ARID1A: variants seen among roughly 807,000 people sequenced by gnomAD.
ARID1A encodes the protein AT-rich interactive domain-containing protein 1A.
ARID1A carries 20 observed loss-of-function variants against 212.6 expected under a neutral mutation model. That is an observed-to-expected ratio of 0.09 (90% confidence interval 0.07 to 0.14). ARID1A has a LOEUF of 0.14. Ranked by LOEUF, ARID1A falls within the 10% of genes least tolerant of loss-of-function variation. The pLI is 1.00. For missense variants in ARID1A, 2,587 were observed against 3,059.0 expected (o/e 0.85, Z 3.64); for synonymous variants, 1,376 against 1,222.1 (o/e 1.13, Z -2.63).
At chr1:26,727,968 G>A (rs2080634050) in intron 1 of ARID1A, 1 of 152,150 alleles carries the variant, frequency 6.6e-6, no homozygotes, top group South Asian at 2.1e-4. Flanking sequence ...ATTAATTGTT[G>A]TTAAATTCGA....
chr1:26,727,138 T>A (rs1284408457), intron 1 of ARID1A, among the ~76,000 whole-genome samples: 2 of 152,238 alleles, frequency 1.3e-5, no homozygotes, highest in African/African-American at 4.8e-5. Context: ...GACATTTAAA[T>A]ACCAGGCACT....
At chr1:26,739,388 G>A (rs2080766190) in intron 4 of ARID1A, among the ~76,000 whole-genome samples, 1 of 152,148 alleles carries the variant, frequency 6.6e-6, no homozygotes, top group South Asian at 2.1e-4. Context: ...TGATTCAGTA[G>A]GTGTGGGCTG....
In ARID1A at chr1:26,725,781, C is replaced by G. The variant is rs149978910; in HGVS notation, c.1138-3870C>G. Reference sequence around the variant, plus strand: ...GTGAGAGAGGAAAAGGTGACTTGTCCTTAGCCTTTTGTTTTTAAGCAGTGT... The same window carrying G: ...GTGAGAGAGGAAAAGGTGACTTGTCGTTAGCCTTTTGTTTTTAAGCAGTGT... On this transcript the variant is annotated intron_variant, in intron 1 of 19. Transcript: ENST00000324856. 1.1e-4 allele frequency among the ~76,000 whole-genome samples: 16 copies of G among 151,740 alleles called. No homozygotes were observed. The East Asian group carries it at 2.5e-3, about 24-fold the overall frequency.
chr1:26,711,658 G>A (rs781554482), intron 1 of ARID1A, among the ~76,000 whole-genome samples: 2 of 152,154 alleles, frequency 1.3e-5, no homozygotes, highest in African/African-American at 4.8e-5. Context: ...CACAAAACAC[G>A]TCTGCTTGTT....
intron 4 of ARID1A, among the ~76,000 whole-genome samples, chr1:26,756,924 G>A (rs968315553): frequency 2.6e-5 from 4 of 151,868 alleles, no homozygotes; most frequent in South Asian, 2.1e-4. Flanking sequence ...GTATGGTCTC[G>A]ATTTGCTGAC....
chr1:26,696,290 C>G lies in ARID1A; in HGVS notation c.-114C>G, dbSNP rs1339185070. ...GCGCAGCAGCGGAGCCCCGCGAGGC[C>G]CGCCCGGGCGGGTGGGGAGGGCAGC... is the stretch of plus-strand genomic sequence containing the variant. On this transcript the variant is annotated 5_prime_UTR_variant, in exon 1 of 20. Coordinates refer to ENST00000324856, the MANE Select transcript of ARID1A (RefSeq NM_006015.6). 2.1e-5 allele frequency: 25 copies of G among 1,167,572 alleles called. No homozygotes were observed. The South Asian group carries it at 9.4e-4, about 44-fold the overall frequency. The allele number at this position is 1,167,572 out of a possible 1,614,324, so 72.3% of individuals were successfully genotyped here.
intron 4 of ARID1A, among the ~76,000 whole-genome samples, chr1:26,738,865 ACTTTT>A (rs1191256459): frequency 7.2e-6 from 1 of 139,430 alleles, no homozygotes; most frequent in African/African-American, 2.7e-5. Flanking sequence ...AGCTTCTGTA[ACTTTT>A]CTTTTGTTTT....
intron 4 of ARID1A, among the ~76,000 whole-genome samples, chr1:26,735,075 C>T (rs2080716203): frequency 6.6e-6 from 1 of 151,786 alleles, no homozygotes; most frequent in East Asian, 1.9e-4. Context: ...ATATTTAAAC[C>T]TCTCAATTAT....
chr1:26,726,174 G>GT (rs1297710813), intron 1 of ARID1A, among the ~76,000 whole-genome samples: 2,956 of 107,268 alleles, frequency 0.028, 72 homozygotes, highest in East Asian at 0.15. Flanking sequence ...GTTTTTTTTT[G>GT]TTTTTTTTTT....
rs756907497 is a variant in ARID1A at position 26,780,673 on chromosome 1, T to C, written c.6775T>C (p.Leu2259=). ...GTTTACTCTGTACGAATCACGGCTG[T>C]TGGACATCTCGGTATCACCGTTGAT... The part of the protein sequence containing the change: ...SEFTLYESRL[L]DISVSPLMNS... Residue 2259 remains leucine (L), a synonymous_variant, in exon 20 of 20, where the codon TTG becomes CTG. Transcript: ENST00000324856. This position sits in a 1 kb window ranked among gnomAD's most constrained non-coding sequence, Gnocchi z 7.2. 6.2e-7 allele frequency: 1 copy of C among 1,606,264 alleles called. No homozygotes were observed. Among genetic ancestry groups the C allele is most frequent in the Non-Finnish European group, 8.5e-7 (1 of 1,178,970 alleles).
chr1:26,771,070 GA>G lies in ARID1A; in HGVS notation c.3199-45del, dbSNP rs1283100431. On this transcript the variant is annotated intron_variant, in intron 11 of 19. Transcript: ENST00000324856. The surrounding 1 kb of genome is among the most constrained non-coding windows in gnomAD (Gnocchi z 5.4). ...GATGGGGCTTGGGGCTTATGGGCAG[GA>G]AAACCAGGCGGGAGATATACCTCGA... 3.2e-6 allele frequency: 5 copies of G among 1,581,010 alleles called. No homozygotes were observed. The highest frequency in any genetic ancestry group is 3.5e-6 in the Non-Finnish European group (4 of 1,150,464).
chr1:26,776,871 G>C (rs2124130810), intron 19 of ARID1A, among the ~76,000 whole-genome samples: 1 of 152,242 alleles, frequency 6.6e-6, no homozygotes, highest in Admixed American at 6.5e-5. Flanking sequence ...CCTTGTTGAG[G>C]TTCACATAGC....
intron 4 of ARID1A, among the ~76,000 whole-genome samples, chr1:26,742,831 G>A (rs1376119664): frequency 1.3e-5 from 2 of 152,074 alleles, no homozygotes; most frequent in African/African-American, 2.4e-5. Flanking sequence ...TTAGCTGGGC[G>A]TGGTGGCATG....
chr1:26,717,106 G>A (rs962156498), intron 1 of ARID1A, among the ~76,000 whole-genome samples: 6 of 152,204 alleles, frequency 3.9e-5, no homozygotes, highest in Non-Finnish European at 1.5e-5. Flanking sequence ...TGGCTGTACT[G>A]TCAGGATTCT....
At position 26,779,427 on chromosome 1, in the gene ARID1A, C is replaced by G. The variant is rs1258811760; in HGVS notation, c.5529C>G (p.His1843Gln). The G allele has an allele frequency of 1.2e-6, 2 of 1,614,198 alleles. No homozygotes were observed. Among genetic ancestry groups the G allele is most frequent in the Admixed American group, 1.7e-5 (1 of 60,020 alleles). Reference protein sequence around the residue: ...RVQEFDSGLLHWRIGGGDTTE... With the variant: ...RVQEFDSGLLQWRIGGGDTTE... ...AGGAGTTTGACAGTGGCCTGCTGCACTGGCGGATTGGTGGGGGGGACACCA... is the reference window on the plus strand; with the variant it reads ...AGGAGTTTGACAGTGGCCTGCTGCAGTGGCGGATTGGTGGGGGGGACACCA... Residue 1843 changes from histidine (H) to glutamine (Q), a missense_variant, in exon 20 of 20, where the codon CAC becomes CAG. His to Gln is a conservative substitution (Grantham distance 24). This residue lies in a region of ARID1A where 890 missense variants were observed against 1,098.2 expected (regional missense o/e 0.81). Coordinates refer to ENST00000324856, the MANE Select transcript of ARID1A (RefSeq NM_006015.6).
chr1:26,710,033 C>T (rs865866041), intron 1 of ARID1A, among the ~76,000 whole-genome samples: 8 of 149,488 alleles, frequency 5.4e-5, no homozygotes, highest in African/African-American at 1.5e-4. Context: ...GGTTTCACCA[C>T]GTTGGCCAGG....
chr1:26,779,216 TAGAAGAGGA>T lies in ARID1A; in HGVS notation c.5325_5333del (p.Glu1778_Glu1780del), dbSNP rs2081166675. 1 of 1,613,528 alleles carries T rather than the reference TAGAAGAGGA, an allele frequency of 6.2e-7. No individual in the cohort carries two copies. The highest frequency in any genetic ancestry group is 1.3e-5 in the African/African-American group (1 of 74,844). ...GAAGAAGAACTTCTAGGTCCTAAAC[TAGAAGAGGA>T]AGAAGAAGAGGAAGTAGTTGAAAAT... On this transcript the variant is annotated inframe_deletion, in exon 20 of 20. Transcript: ENST00000324856.
At chr1:26,710,073 C>G (rs2080435681) in intron 1 of ARID1A, among the ~76,000 whole-genome samples, 1 of 146,372 alleles carries the variant, frequency 6.8e-6, no homozygotes, top group African/African-American at 2.5e-5. Flanking sequence ...CTCAGGTAAT[C>G]CACCCACCTG....
Position 26,697,292 on chromosome 1 carries a change from C to G in ARID1A, c.889C>G (p.Gln297Glu). 1 of 1,359,008 alleles carries G rather than the reference C, an allele frequency of 7.4e-7. No homozygotes were observed. Among genetic ancestry groups the G allele is most frequent in the Non-Finnish European group, 9.4e-7 (1 of 1,062,168 alleles). The allele number at this position is 1,359,008 out of a possible 1,614,324, so 84.2% of individuals were successfully genotyped here. A position where few individuals can be genotyped will look rare whatever the true frequency, so the allele number is the denominator to read the frequency against. The change falls in exon 1 of 20, where the codon CAA becomes GAA. Residue 297 changes from glutamine (Q) to glutamate (E), a missense_variant. By Grantham distance (29) the Gln-to-Glu change is conservative (BLOSUM62 2). Transcript: ENST00000324856. The stretch of plus-strand genomic sequence containing the variant: ...GCCCACCGCCACCCCCACCCTCAAC[C>G]AACTGCTCACGTCGCCCAGCTCGGC... Reference protein sequence around the residue: ...PQPTATPTLNQLLTSPSSARG... With the variant: ...PQPTATPTLNELLTSPSSARG...
Sources: allele counts gnomAD v4.1 joint callset (sites outside exome capture counted in the v4.1 genomes callset), GRCh38; gene constraint gnomAD v4.1.1; regional missense constraint gnomAD v4.1.1; non-coding constraint Gnocchi (gnomAD v3.1); transcripts MANE v1.5; gene names NCBI Gene and HGNC (gene_info 2026-07-23, HGNC 2026-07-21).